The following CASTOR2 variants were observed in gnomAD, a reference collection of about 807,000 sequenced individuals.
CASTOR2 encodes cytosolic arginine sensor for mTORC1 subunit 2.
A neutral mutation model predicts 31.2 loss-of-function variants in CASTOR2; 8 were observed. That is an observed-to-expected ratio of 0.26 (90% CI 0.15 to 0.46). The LOEUF is 0.46. CASTOR2 is among the 20% of genes least tolerant of loss of function. The pLI, the probability that CASTOR2 is intolerant of heterozygous loss-of-function variation, is 0.99. For missense variants in CASTOR2, 216 were observed against 382.1 expected, an observed-to-expected ratio of 0.57 and a Z score of 3.62; for synonymous variants, 162 against 158.7, an observed-to-expected ratio of 1.02 and a Z score of -0.16.
intron 1 of CASTOR2, among the ~76,000 whole-genome samples, chr7:74,983,302 A>C (rs1554436435): frequency 6.7e-6 from 1 of 149,534 alleles, no homozygotes; most frequent in Non-Finnish European, 1.5e-5. Context: ...GTGAGCCACT[A>C]TGCCCGGCCA....
At position 75,024,749 on chromosome 7, in the gene CASTOR2, C is replaced by T. The variant is rs1805082253; in HGVS notation, c.*50C>T. 10 of 1,551,540 alleles carry T rather than the reference C, an allele frequency of 6.4e-6. No individual in the cohort carries two copies. Among genetic ancestry groups the T allele is most frequent in the Non-Finnish European group, 8.7e-6 (10 of 1,146,842 alleles). ...CCGCCGCCCGGGCCCAGCCCTAACC[C>T]TGAAGATTGATCTTGCAGTATTTCT... On this transcript the variant is annotated 3_prime_UTR_variant, in exon 9 of 9. Coordinates refer to ENST00000616305, the MANE Select transcript of CASTOR2 (RefSeq NM_001145064.3).
rs1805229602 is a variant in CASTOR2, at chr7:75,029,250, G to A, written c.*4551G>A. ...CTGGGGAGTCCTAAGGCCACCCTGG[G>A]CCCCTTTCTGAGCCTAGAGATCTGG... On this transcript the variant is annotated 3_prime_UTR_variant, in exon 9 of 9. Coordinates refer to ENST00000616305, the MANE Select transcript of CASTOR2 (RefSeq NM_001145064.3). Among the ~76,000 whole-genome samples the A allele has an allele frequency of 6.6e-6, 1 of 152,202 alleles. No homozygotes were observed. Among genetic ancestry groups the A allele is most frequent in the East Asian group, 1.9e-4 (1 of 5,190 alleles).
At chr7:75,001,846 A>C (rs1191679486) in intron 1 of CASTOR2, among the ~76,000 whole-genome samples, 1 of 152,164 alleles carries the variant, frequency 6.6e-6, no homozygotes, top group African/African-American at 2.4e-5. Flanking sequence ...CGGCACTGTC[A>C]TGCGCAGTTG....
chr7:74,971,551 A>ACCCC, intron 1 of CASTOR2, among the ~76,000 whole-genome samples: 1 of 10,558 alleles, frequency 9.5e-5, no homozygotes, highest in Non-Finnish European at 2.1e-4. Flanking sequence ...TTCTGGGGGT[A>ACCCC]CCCCTATCCC....
intron 1 of CASTOR2, among the ~76,000 whole-genome samples, chr7:74,977,388 A>T (rs1563054312): frequency 7.0e-6 from 1 of 143,460 alleles, no homozygotes; most frequent in African/African-American, 2.6e-5. Flanking sequence ...TTTGAAAAGC[A>T]TTTTTTTTTT....
rs1584469086 is a variant in CASTOR2, at chr7:74,999,655, G to A, written c.114-8339G>A. Reference sequence around the variant, plus strand: ...TTTTTTTGAGACGGAATCTCGCTCTGTCTCCAAGCTGGAGTGCAGTGGCGT... The same window carrying A: ...TTTTTTTGAGACGGAATCTCGCTCTATCTCCAAGCTGGAGTGCAGTGGCGT... On this transcript the variant is annotated intron_variant, in intron 1 of 8. Transcript: ENST00000616305. Among the ~76,000 whole-genome samples the A allele has an allele frequency of 7.9e-5, 9 of 113,484 alleles. No homozygotes were observed. The South Asian group carries it at 2.6e-3, about 32-fold the overall frequency. The allele number at this position is 113,484 out of a possible 152,430, so 74.4% of individuals were successfully genotyped here.
rs932141435 is a variant in CASTOR2, at chr7:75,029,968, G to A, written c.*5269G>A. ...AGGCCAAGATAGCAAGACCAACCTG[G>A]TCAACATAGCAAGACCCTGCCTCTA... On this transcript the variant is annotated 3_prime_UTR_variant, in exon 9 of 9. Transcript: ENST00000616305. Among the ~76,000 whole-genome samples, 5 of 152,320 alleles carry A rather than the reference G, an allele frequency of 3.3e-5. No individual in the cohort carries two copies. The highest frequency in any genetic ancestry group is 1.9e-4 in the East Asian group (1 of 5,170).
At chr7:75,018,839 G>C in intron 4 of CASTOR2, 133 bp from the exon 5 acceptor site, 1 of 1,420,272 alleles carries the variant, frequency 7.0e-7, no homozygotes, top group Non-Finnish European at 9.7e-7. Flanking sequence ...GTAGAGGCTG[G>C]AGAAGCAGCG....
intron 2 of CASTOR2, 62 bp from the exon 3 acceptor site, chr7:75,017,536 C>T (rs1804893761): frequency 6.3e-7 from 1 of 1,583,284 alleles, no homozygotes. Flanking sequence ...CCTGCCTTGC[C>T]CTGCCCTTGG....
intron 1 of CASTOR2, among the ~76,000 whole-genome samples, chr7:74,967,539 T>G (rs1803593995): frequency 8.9e-6 from 1 of 112,946 alleles, no homozygotes; most frequent in Non-Finnish European, 1.9e-5. Flanking sequence ...CTGTTTACTT[T>G]TTTTTTTTTT....
In CASTOR2 at chr7:75,000,683, A is replaced by G. The variant is rs1342627352; in HGVS notation, c.114-7311A>G. ...GTTTGTTTGTTTGTTTTTGAGATGG[A>G]GTCTCGCTCTGTCACCCAGTCTGGA... On this transcript the variant is annotated intron_variant, in intron 1 of 8. Transcript: ENST00000616305. Among the ~76,000 whole-genome samples, 11 of 151,920 alleles carry G rather than the reference A, an allele frequency of 7.2e-5. 1 individual carries two copies. Among genetic ancestry groups the G allele is most frequent in the Non-Finnish European group, 1.5e-5 (1 of 67,972 alleles).
At chr7:75,018,664 G>A (rs1277648721) in intron 4 of CASTOR2, among the ~76,000 whole-genome samples, 8 of 152,270 alleles carry the variant, frequency 5.3e-5, no homozygotes, top group African/African-American at 1.9e-4. Flanking sequence ...AGGTGTCAGG[G>A]TGGATTTCCC....
intron 1 of CASTOR2, among the ~76,000 whole-genome samples, chr7:75,007,733 T>G (rs1398241295): frequency 6.6e-6 from 1 of 151,676 alleles, no homozygotes; most frequent in East Asian, 1.9e-4. Context: ...CTGGACACAG[T>G]CATAGGGGCT....
chr7:74,987,011 G>A (rs1278329728), intron 1 of CASTOR2, among the ~76,000 whole-genome samples: 3 of 152,148 alleles, frequency 2.0e-5, no homozygotes, highest in Non-Finnish European at 2.9e-5. Context: ...GCACTCCACC[G>A]TGGGCGACAG....
Position 75,018,197 on chromosome 7 carries a change from C to T in CASTOR2, c.511+75C>T, listed in dbSNP as rs1804910572. 2.6e-6 allele frequency: 4 copies of T among 1,568,292 alleles called. No individual in the cohort carries two copies. In the East Asian group the frequency reaches 9.6e-5, roughly 38 times the overall value. On this transcript the variant is annotated intron_variant, in intron 4 of 8. Transcript: ENST00000616305. ...GGCCCAGCCGCAGACCAGCCTTACT[C>T]TCAGCACGGGCTTCTGCCCACTGAG... is the stretch of plus-strand genomic sequence containing the variant.
In CASTOR2 at chr7:75,028,116, ATTTT is replaced by A. The variant is rs71098023; in HGVS notation, c.*3433_*3436del. On this transcript the variant is annotated 3_prime_UTR_variant, in exon 9 of 9. Coordinates refer to ENST00000616305, the MANE Select transcript of CASTOR2 (RefSeq NM_001145064.3). ...GGAAGAGGGCTCTCTATGATGTGGA[ATTTT>A]TTTTTTTTTTTTTTTGAGACGGAGT... is the stretch of plus-strand genomic sequence containing the variant. 2.4e-4 allele frequency: 306 copies of A among 1,261,140 alleles called. No homozygotes were observed. Among genetic ancestry groups the A allele is most frequent in the Middle Eastern group, 5.8e-4 (2 of 3,442 alleles). 78.1% of individuals were successfully genotyped at this position (1,261,140 alleles called of 1,614,324 possible).
chr7:74,998,308 A>C (rs1436455921), intron 1 of CASTOR2, among the ~76,000 whole-genome samples: 1 of 152,194 alleles, frequency 6.6e-6, no homozygotes, highest in African/African-American at 2.4e-5. Context: ...TCTTGCTCGC[A>C]AAGACAGAAA....
At chr7:75,014,592 T>C (rs1424034626) in intron 2 of CASTOR2, among the ~76,000 whole-genome samples, 4 of 151,666 alleles carry the variant, frequency 2.6e-5, no homozygotes, top group Non-Finnish European at 5.9e-5. Flanking sequence ...ACACTCTCGC[T>C]CAAAAAAAAA....
intron 6 of CASTOR2, among the ~76,000 whole-genome samples, chr7:75,021,078 A>G (rs1804989948): frequency 6.6e-6 from 1 of 151,358 alleles, no homozygotes; most frequent in Non-Finnish European, 1.5e-5. Context: ...TGCAACCTCC[A>G]CCTCCCAGGT....
Sources: gnomAD v4.1 joint callset for allele counts (sites outside exome capture counted in the v4.1 genomes callset) on GRCh38, gnomAD v4.1.1 for gene constraint, MANE v1.5 for transcripts, NCBI Gene and HGNC (gene_info 2026-07-23, HGNC 2026-07-21) for gene names.